TANC1: variants seen among roughly 807,000 people sequenced by gnomAD.
TANC1 encodes protein TANC1.
TANC1 carries 77 observed loss-of-function variants against 149.7 expected under a neutral mutation model. That is an observed-to-expected ratio of 0.51 (90% CI 0.43 to 0.62). The LOEUF (loss-of-function observed/expected upper bound fraction) is 0.62, where lower values mean the gene tolerates loss of function less well. TANC1 is among the 20% of genes least tolerant of loss of function. The pLI, the probability that TANC1 is intolerant of heterozygous loss-of-function variation, is 0.00. For missense variants in TANC1, 1,985 were observed against 2,321.8 expected, an observed-to-expected ratio of 0.85 and a Z score of 2.98; for synonymous variants, 854 against 925.0, an observed-to-expected ratio of 0.92 and a Z score of 1.39.
At chr2:159,015,812 C>T (rs1311069024) in intron 2 of TANC1, among the ~76,000 whole-genome samples, 1 of 152,202 alleles carries the variant, frequency 6.6e-6, no homozygotes, top group African/African-American at 2.4e-5. Context: ...GCTCCAGTTC[C>T]TGATGAGTTC....
At chr2:159,052,387 C>T (rs980019601) in intron 2 of TANC1, among the ~76,000 whole-genome samples, 9 of 152,142 alleles carry the variant, frequency 5.9e-5, no homozygotes, top group Non-Finnish European at 1.2e-4. Context: ...TAATTGCTAG[C>T]AGTGGCGTGT....
chr2:159,004,715 TACAAA>T (rs1378533141), intron 2 of TANC1, among the ~76,000 whole-genome samples: 3 of 151,988 alleles, frequency 2.0e-5, no homozygotes, highest in African/African-American at 7.3e-5. Flanking sequence ...AAAAAAACTT[TACAAA>T]ACAAACAAAC....
intron 4 of TANC1, among the ~76,000 whole-genome samples, chr2:159,119,773 A>C (rs264592): frequency 6.6e-6 from 1 of 152,028 alleles, no homozygotes; most frequent in Non-Finnish European, 1.5e-5. Flanking sequence ...CTGATGTCAC[A>C]GGTTACCTAT....
At chr2:159,156,954 G>A (rs999274322) in intron 7 of TANC1, among the ~76,000 whole-genome samples, 4 of 152,216 alleles carry the variant, frequency 2.6e-5, no homozygotes, top group Non-Finnish European at 5.9e-5. Context: ...GGGAATGTGC[G>A]GCTCGGGCCC....
chr2:159,086,550 C>T (rs1341714243), intron 3 of TANC1, among the ~76,000 whole-genome samples: 1 of 152,128 alleles, frequency 6.6e-6, no homozygotes, highest in Non-Finnish European at 1.5e-5. Flanking sequence ...GAAGAGGACT[C>T]ATGACAGCAG....
At position 159,226,347 on chromosome 2, in the gene TANC1, G is replaced by A. The variant is rs74779677; in HGVS notation, c.3903+568G>A. On this transcript the variant is annotated intron_variant, in intron 24 of 26. Coordinates refer to ENST00000263635, the MANE Select transcript of TANC1 (RefSeq NM_033394.3). Reference sequence around the variant, plus strand: ...GTGACTTCCTGTCTGAAGCCATGGCGTGAAGCTGAGTCACCTCTAGGTCAA... The same window carrying A: ...GTGACTTCCTGTCTGAAGCCATGGCATGAAGCTGAGTCACCTCTAGGTCAA... 1,565 of 157,816 alleles carry A rather than the reference G, an allele frequency of 9.9e-3. 34 individuals carry two copies. Among genetic ancestry groups the A allele is most frequent in the African/African-American group, 0.036 (1,484 of 41,526 alleles). The allele number at this position is 157,816 out of a possible 1,614,324, so 9.8% of individuals were successfully genotyped here. A position where few individuals can be genotyped will look rare whatever the true frequency, so the allele number is the denominator to read the frequency against.
chr2:159,070,703 CCCGG>C, intron 3 of TANC1, among the ~76,000 whole-genome samples: 1 of 152,196 alleles, frequency 6.6e-6, no homozygotes, highest in South Asian at 2.1e-4. Flanking sequence ...CATGAGAGAG[CCCGG>C]AAGAGTGTGT....
intron 5 of TANC1, chr2:159,148,386 T>G (rs904506468): frequency 1.3e-5 from 2 of 152,234 alleles, no homozygotes; most frequent in African/African-American, 2.4e-5. Context: ...AAAATTCTCT[T>G]AAGTACAAAA....
intron 2 of TANC1, 95 bp from the exon 3 acceptor site, chr2:159,065,801 T>C: frequency 1.0e-6 from 1 of 962,046 alleles, no homozygotes; most frequent in Non-Finnish European, 1.6e-6. Flanking sequence ...AGCGGTCTGT[T>C]TGTTTGAACA....
chr2:159,021,128 A>G (rs2038797704), intron 2 of TANC1, among the ~76,000 whole-genome samples: 1 of 152,208 alleles, frequency 6.6e-6, no homozygotes, highest in Non-Finnish European at 1.5e-5. Context: ...AAAAGACCGT[A>G]CTTCATTAGA....
Position 159,172,021 on chromosome 2 carries a change from T to A in TANC1, c.1352-100T>A, listed in dbSNP as rs62171125. 47,592 of 1,235,180 alleles carry A rather than the reference T, an allele frequency of 0.039. 1,123 individuals carry two copies. The highest frequency in any genetic ancestry group is 0.046 in the Non-Finnish European group (40,373 of 875,110). The allele number at this position is 1,235,180 out of a possible 1,614,324, so 76.5% of individuals were successfully genotyped here. A position where few individuals can be genotyped will look rare whatever the true frequency, so the allele number is the denominator to read the frequency against. On this transcript the variant is annotated intron_variant, in intron 10 of 26. Transcript: ENST00000263635. Reference sequence around the variant, plus strand: ...TGAATTTTGGACCATGTTCACTCCTTGCTTATTAAAATATGCCCTGGCACA... The same window carrying A: ...TGAATTTTGGACCATGTTCACTCCTAGCTTATTAAAATATGCCCTGGCACA...
At chr2:159,097,299 C>T (rs1457532404) in intron 3 of TANC1, among the ~76,000 whole-genome samples, 2 of 152,178 alleles carry the variant, frequency 1.3e-5, no homozygotes, top group East Asian at 3.9e-4. Context: ...AAGCCCTCTC[C>T]TTTTCCTTTT....
At chr2:159,077,100 C>T (rs922322628) in intron 3 of TANC1, among the ~76,000 whole-genome samples, 23 of 151,782 alleles carry the variant, frequency 1.5e-4, no homozygotes, top group Non-Finnish European at 8.8e-5. Flanking sequence ...GCTTTGTCAC[C>T]CAGGCTAAAG....
rs1191360859 is a variant in TANC1 at position 159,227,858 on chromosome 2, G to A, written c.3943G>A (p.Ala1315Thr). The change falls in exon 25 of 27, where the codon GCC becomes ACC. Residue 1315 changes from alanine (A) to threonine (T), a missense_variant. By Grantham distance (58) the Ala-to-Thr change is moderately conservative. Coordinates refer to ENST00000263635, the MANE Select transcript of TANC1 (RefSeq NM_033394.3). ...MKEAAQRYQYALRKFPREGFG... is the reference protein window; with the variant it reads ...MKEAAQRYQYTLRKFPREGFG... ...AGAGGCAGCCCAGAGGTACCAGTAT[G>A]CCTTAAGAAAGTTTCCTCGAGAAGG... 1 of 1,614,184 alleles carries A rather than the reference G, an allele frequency of 6.2e-7. No homozygotes were observed.
At chr2:159,202,190 C>T (rs533965735) in intron 19 of TANC1, among the ~76,000 whole-genome samples, 100 of 152,274 alleles carry the variant, frequency 6.6e-4, no homozygotes, top group African/African-American at 2.4e-3. Context: ...AGTGTGGTGG[C>T]ACTGGGCACA....
chr2:159,108,596 G>A (rs1323242244), intron 4 of TANC1, among the ~76,000 whole-genome samples: 1 of 152,190 alleles, frequency 6.6e-6, no homozygotes, highest in African/African-American at 2.4e-5. Flanking sequence ...TATATCTAGT[G>A]CTAATGAGCA....
intron 2 of TANC1, among the ~76,000 whole-genome samples, chr2:159,016,106 C>A (rs1559134920): frequency 6.6e-6 from 1 of 152,156 alleles, no homozygotes; most frequent in Non-Finnish European, 1.5e-5. Flanking sequence ...CAAGACTGAG[C>A]AGTTTACAAA....
intron 4 of TANC1, among the ~76,000 whole-genome samples, chr2:159,125,807 C>T (rs1419097634): frequency 1.3e-5 from 2 of 152,072 alleles, no homozygotes; most frequent in Non-Finnish European, 2.9e-5. Flanking sequence ...AGGCTGGTCT[C>T]GAACTCCTGA....
At chr2:159,202,354 C>G (rs1376655907) in intron 19 of TANC1, among the ~76,000 whole-genome samples, 1 of 152,184 alleles carries the variant, frequency 6.6e-6, no homozygotes, top group Non-Finnish European at 1.5e-5. Context: ...AAAATGGGAA[C>G]AGTATTTAGT....
Sources: gnomAD v4.1 joint callset for allele counts (sites outside exome capture counted in the v4.1 genomes callset) on GRCh38, gnomAD v4.1.1 for gene constraint, MANE v1.5 for transcripts, NCBI Gene and HGNC (gene_info 2026-07-23, HGNC 2026-07-21) for gene names.